The following TNPO3 variants were observed in gnomAD, a reference collection of about 807,000 sequenced individuals.
The protein encoded by TNPO3 is transportin 3.
Under a neutral mutation model 122.8 loss-of-function variants are expected in TNPO3, and 65 were observed. That is an observed-to-expected ratio of 0.53 (90% CI 0.43 to 0.65). The LOEUF (loss-of-function observed/expected upper bound fraction) is 0.65, where lower values mean the gene tolerates loss of function less well. Ranked by LOEUF, TNPO3 falls within the 30% of genes least tolerant of loss-of-function variation. TNPO3 has a pLI of 0.00. For synonymous variants in TNPO3, 372 were observed against 411.2 expected, an observed-to-expected ratio of 0.90 and a Z score of 1.15; for missense variants, 850 against 1,136.7, an observed-to-expected ratio of 0.75 and a Z score of 3.63.
intron 1 of TNPO3, among the ~76,000 whole-genome samples, chr7:129,022,415 A>C (rs1416739137): frequency 2.6e-5 from 4 of 151,806 alleles, no homozygotes; most frequent in Non-Finnish European, 4.4e-5. Context: ...AATGAATATA[A>C]TCCCATCACT....
chr7:129,033,043 T>C (rs1252547832), intron 1 of TNPO3, among the ~76,000 whole-genome samples: 2 of 152,154 alleles, frequency 1.3e-5, no homozygotes, highest in Non-Finnish European at 2.9e-5. Flanking sequence ...AACCCTCCTG[T>C]AAAGGATTCA....
intron 16 of TNPO3, among the ~76,000 whole-genome samples, chr7:128,976,585 C>T (rs1799081462): frequency 6.6e-6 from 1 of 152,032 alleles, no homozygotes; most frequent in South Asian, 2.1e-4. Context: ...GGGATCCTCC[C>T]ACCTCAGCCT....
intron 21 of TNPO3, among the ~76,000 whole-genome samples, chr7:128,962,090 G>A (rs1001733164): frequency 1.3e-5 from 2 of 152,106 alleles, no homozygotes; most frequent in Non-Finnish European, 2.9e-5. Context: ...AATTGGCCAG[G>A]CGCGGTGGCT....
At chr7:129,015,208 A>C (rs1490814821) in intron 3 of TNPO3, 73 bp from the exon 4 acceptor site, 1 of 1,503,312 alleles carries the variant, frequency 6.7e-7, no homozygotes, top group Non-Finnish European at 9.0e-7. Context: ...AACAGCCATC[A>C]GAGTAACTCA....
Position 128,972,530 on chromosome 7 carries a change from T to C in TNPO3, c.2326A>G (p.Ile776Val), listed in dbSNP as rs368873021. ...TLLRSQVVIP[I>V]LQWAIASTTL... is the part of the protein sequence containing the mutation. The stretch of plus-strand genomic sequence containing the variant: ...GTAGAGGCAATGGCCCACTGTAAGA[T>C]AGGGATGACCACTTGGCTCCGCAGC... Residue 776 changes from isoleucine to valine, a missense_variant, in exon 19 of 23, where the codon ATC (isoleucine) becomes GTC (valine). Transcript: ENST00000265388. 206 of 1,614,008 alleles carry C rather than the reference T, an allele frequency of 1.3e-4. No individual in the cohort carries two copies. The highest frequency in any genetic ancestry group is 1.6e-4 in the Non-Finnish European group (188 of 1,180,028).
intron 1 of TNPO3, among the ~76,000 whole-genome samples, chr7:129,026,236 T>C (rs1337679044): frequency 6.6e-6 from 1 of 151,610 alleles, no homozygotes; most frequent in Admixed American, 6.6e-5. Flanking sequence ...TCCTTAAAAG[T>C]AGAGACCTCA....
intron 21 of TNPO3, among the ~76,000 whole-genome samples, chr7:128,966,969 CAGA>C (rs1479246954): frequency 6.6e-6 from 1 of 152,204 alleles, no homozygotes; most frequent in Non-Finnish European, 1.5e-5. Context: ...GATGAAAACT[CAGA>C]AGGACTTAGA....
intron 1 of TNPO3, among the ~76,000 whole-genome samples, chr7:129,045,548 CA>C (rs5887408): frequency 6.4e-4 from 92 of 144,242 alleles, no homozygotes; most frequent in East Asian, 2.2e-3. Flanking sequence ...TGTTTTGCCA[CA>C]AAAAAAAAAA....
chr7:128,976,917 G>T (rs1025453409), intron 16 of TNPO3, among the ~76,000 whole-genome samples: 1 of 152,064 alleles, frequency 6.6e-6, no homozygotes, highest in African/African-American at 2.4e-5. Context: ...TTAAGTCAAG[G>T]GTTGCCAAAC....
intron 1 of TNPO3, among the ~76,000 whole-genome samples, 162 bp downstream of exon 1, chr7:129,054,489 A>C (rs1026582169): frequency 6.6e-6 from 1 of 152,182 alleles, no homozygotes; most frequent in Non-Finnish European, 1.5e-5. Context: ...CTAGTTTCCC[A>C]AAAGCGGCAA....
chr7:128,998,235 C>T (rs1188947952), intron 7 of TNPO3, among the ~76,000 whole-genome samples: 1 of 152,068 alleles, frequency 6.6e-6, no homozygotes, highest in East Asian at 2.0e-4. Context: ...TGGCACATGC[C>T]TGTATTCCCA....
chr7:129,023,500 A>G (rs1804772913), intron 1 of TNPO3, among the ~76,000 whole-genome samples: 1 of 152,146 alleles, frequency 6.6e-6, no homozygotes, highest in African/African-American at 2.4e-5. Context: ...ATTTCCCACT[A>G]AAAGATACCA....
At chr7:129,013,687 T>C (rs1803486890) in intron 4 of TNPO3, among the ~76,000 whole-genome samples, 1 of 152,146 alleles carries the variant, frequency 6.6e-6, no homozygotes, top group African/African-American at 2.4e-5. Context: ...TGCAGCACTA[T>C]TCACAATAGC....
chr7:128,980,958 T>G (rs1015897141), intron 14 of TNPO3, among the ~76,000 whole-genome samples: 1 of 151,076 alleles, frequency 6.6e-6, no homozygotes, highest in Admixed American at 6.6e-5. Flanking sequence ...AGCTCACAAT[T>G]TGAAGAAAAG....
At chr7:129,027,594 A>C (rs1805394132) in intron 1 of TNPO3, among the ~76,000 whole-genome samples, 5 of 93,638 alleles carry the variant, frequency 5.3e-5, no homozygotes, top group South Asian at 4.0e-4. Context: ...AAAAAAAACA[A>C]CACAAAAAAT....
intron 16 of TNPO3, among the ~76,000 whole-genome samples, chr7:128,977,137 G>C (rs945411956): frequency 2.0e-5 from 3 of 151,952 alleles, no homozygotes; most frequent in African/African-American, 7.3e-5. Flanking sequence ...CCTGAGTTAA[G>C]GGATTTTTTA....
chr7:128,982,285 G>A lies in TNPO3; in HGVS notation c.1822C>T (p.Pro608Ser). The A allele has an allele frequency of 6.2e-7, 1 of 1,613,408 alleles. No homozygotes were observed. Among genetic ancestry groups the A allele is most frequent in the Non-Finnish European group, 8.5e-7 (1 of 1,179,598 alleles). Residue 608 changes from proline (P) to serine (S), a missense_variant, in exon 14 of 23, where the codon CCC becomes TCC. Physicochemically the swap from Pro to Ser is moderately conservative, Grantham distance 74. Coordinates refer to ENST00000265388, the MANE Select transcript of TNPO3 (RefSeq NM_012470.4). Reference protein sequence around the residue: ...QEPSNGISSDPTVFLDRLAVI... With the variant: ...QEPSNGISSDSTVFLDRLAVI... Reference sequence around the variant, plus strand: ...GCAAGGCGATCTAAGAACACTGTGGGATCTGAGGATATGCCATTGCTGGGC... The same window carrying A: ...GCAAGGCGATCTAAGAACACTGTGGAATCTGAGGATATGCCATTGCTGGGC...
chr7:128,955,520 TAAAC>T (rs1472812766), intron 22 of TNPO3, 135 bp from the exon 23 acceptor site: 5 of 344,826 alleles, frequency 1.5e-5, no homozygotes, highest in African/African-American at 4.4e-5. Flanking sequence ...TCAGAAAAAA[TAAAC>T]AAATAAATAA....
At chr7:129,051,557 G>C (rs1808773599) in intron 1 of TNPO3, among the ~76,000 whole-genome samples, 1 of 151,864 alleles carries the variant, frequency 6.6e-6, no homozygotes, top group Non-Finnish European at 1.5e-5. Context: ...GGCTGGTCTT[G>C]AACTCCTGGG....
Sources: allele counts gnomAD v4.1 joint callset (sites outside exome capture counted in the v4.1 genomes callset), GRCh38; gene constraint gnomAD v4.1.1; transcripts MANE v1.5; gene names NCBI Gene and HGNC (gene_info 2026-07-23, HGNC 2026-07-21).